The following CYTH1 variants were observed in gnomAD, a reference collection of about 807,000 sequenced individuals.
CYTH1 encodes the protein cytohesin-1.
In CYTH1, 18 loss-of-function variants were observed where a neutral mutation model predicts 61.8. The ratio of observed to expected loss-of-function variants is 0.29; its 90% CI spans 0.20 to 0.43. The LOEUF (loss-of-function observed/expected upper bound fraction) is 0.43, where lower values mean the gene tolerates loss of function less well. CYTH1 is among the 20% of genes least tolerant of loss of function. The probability of loss-of-function intolerance (pLI) is 1.00; values close to 1 mark genes in which losing one functional copy is unlikely to be tolerated. For missense variants in CYTH1, 336 were observed against 510.5 expected (o/e 0.66, Z 3.29); for synonymous variants, 174 against 184.3 (o/e 0.94, Z 0.45).
chr17:78,752,763 T>C (rs1353692246), intron 1 of CYTH1, among the ~76,000 whole-genome samples: 3 of 152,306 alleles, frequency 2.0e-5, no homozygotes, highest in African/African-American at 7.2e-5. Context: ...TTTCAGTTTA[T>C]AATCTTAACC....
At chr17:78,773,542 T>C (rs1389605698) in intron 1 of CYTH1, among the ~76,000 whole-genome samples, 1 of 151,834 alleles carries the variant, frequency 6.6e-6, no homozygotes, top group Non-Finnish European at 1.5e-5. Flanking sequence ...GGCACAAGAA[T>C]TGCTTGAACC....
chr17:78,706,456 G>C (rs1448505050), intron 3 of CYTH1, among the ~76,000 whole-genome samples: 2 of 152,196 alleles, frequency 1.3e-5, no homozygotes, highest in Non-Finnish European at 2.9e-5. Context: ...CATCCGTGCT[G>C]CTGCACGCTA....
intron 1 of CYTH1, among the ~76,000 whole-genome samples, chr17:78,728,954 T>G (rs1478334402): frequency 6.6e-6 from 1 of 152,186 alleles, no homozygotes; most frequent in Non-Finnish European, 1.5e-5. Flanking sequence ...GAGCATGAAT[T>G]AGTATAGTCA....
At chr17:78,775,148 C>T (rs1412802520) in intron 1 of CYTH1, among the ~76,000 whole-genome samples, 2 of 152,198 alleles carry the variant, frequency 1.3e-5, no homozygotes, top group Non-Finnish European at 2.9e-5. Context: ...CTCCTGAGGT[C>T]CCTCTGTGTG....
chr17:78,711,337 A>ACC (rs1555608845), intron 1 of CYTH1, among the ~76,000 whole-genome samples: 13 of 150,752 alleles, frequency 8.6e-5, no homozygotes, highest in Non-Finnish European at 1.3e-4. Flanking sequence ...ACACACACAC[A>ACC]CCAGACTTTC....
At chr17:78,743,726 C>T (rs1271120379) in intron 1 of CYTH1, among the ~76,000 whole-genome samples, 1 of 152,190 alleles carries the variant, frequency 6.6e-6, no homozygotes, top group African/African-American at 2.4e-5. Flanking sequence ...CTACATGTCC[C>T]ATGACCTGTT....
At chr17:78,685,115 C>T (rs1378840085) in intron 11 of CYTH1, among the ~76,000 whole-genome samples, 1 of 143,950 alleles carries the variant, frequency 6.9e-6, no homozygotes, top group Non-Finnish European at 1.5e-5. Context: ...AGGAGAATTT[C>T]TTGAATCCGG....
At chr17:78,699,484 G>C (rs546395866) in intron 7 of CYTH1, among the ~76,000 whole-genome samples, 1 of 152,204 alleles carries the variant, frequency 6.6e-6, no homozygotes, top group African/African-American at 2.4e-5. Context: ...AAGTATTCAA[G>C]ACTTAAAGCT....
rs56247142 is a variant in CYTH1, at chr17:78,716,486, A to T, written c.23-6754T>A. Among the ~76,000 whole-genome samples the T allele has an allele frequency of 4.2e-3, 636 of 152,274 alleles. 5 individuals are homozygous for T. The highest frequency in any genetic ancestry group is 0.014 in the African/African-American group (597 of 41,548). ...CATTTATCTACATTTATTTTGATCC[A>T]ATCTCCTGACATTTGCCACATGACT... On this transcript the variant is annotated intron_variant, in intron 1 of 13. Transcript: ENST00000446868.
chr17:78,776,207 G>C (rs996143531), intron 1 of CYTH1, among the ~76,000 whole-genome samples: 1 of 152,010 alleles, frequency 6.6e-6, no homozygotes, highest in African/African-American at 2.4e-5. Flanking sequence ...ATTGAATCAC[G>C]GCAACTGCAG....
chr17:78,684,040 A>G (rs2092790758), intron 11 of CYTH1, among the ~76,000 whole-genome samples: 1 of 152,182 alleles, frequency 6.6e-6, no homozygotes, highest in African/African-American at 2.4e-5. Flanking sequence ...TTGATGGAAT[A>G]TGATTTTAAA....
rs1287301352 is a variant in CYTH1, at chr17:78,760,459, ACATATATATATG to A, written c.22+21731_22+21742del. On this transcript the variant is annotated intron_variant, in intron 1 of 13. Coordinates refer to ENST00000446868, the MANE Select transcript of CYTH1 (RefSeq NM_004762.6). ...TATATATATGTATATATATATACAT[ACATATATATATG>A]TATATATATGTATGTATATATATAT... Among the ~76,000 whole-genome samples the A allele has an allele frequency of 1.1e-4, 6 of 52,624 alleles. No homozygotes were observed. The South Asian group carries it at 2.8e-3, about 25-fold the overall frequency. The allele number at this position is 52,624 out of a possible 152,430, so 34.5% of individuals were successfully genotyped here. A position where few individuals can be genotyped will look rare whatever the true frequency, so the allele number is the denominator to read the frequency against.
chr17:78,777,609 T>C lies in CYTH1; in HGVS notation c.22+4593A>G, dbSNP rs139441856. Among the ~76,000 whole-genome samples the C allele has an allele frequency of 2.0e-4, 31 of 152,256 alleles. No individual in the cohort carries two copies. In the East Asian group the frequency reaches 5.0e-3, roughly 25 times the overall value. On this transcript the variant is annotated intron_variant, in intron 1 of 13. Coordinates refer to ENST00000446868, the MANE Select transcript of CYTH1 (RefSeq NM_004762.6). ...CAGAGAAACTCTAAGACTCTCTTTC[T>C]ATAGCATATTATCAATGAGCTATGT...
At position 78,675,645 on chromosome 17, in the gene CYTH1, T is replaced by C. The variant is rs566477418; in HGVS notation, c.*446A>G. 1 of 322,536 alleles carries C rather than the reference T, an allele frequency of 3.1e-6. No homozygotes were observed. Among genetic ancestry groups the C allele is most frequent in the Non-Finnish European group, 5.6e-6 (1 of 179,988 alleles). The allele number at this position is 322,536 out of a possible 1,614,324, so 20.0% of individuals were successfully genotyped here. Reference sequence around the variant, plus strand: ...ACGTTCTCTCTTAAAAAAAAAAAAATAGATCTTTATAGTATGTGGCTTCTC... The same window carrying C: ...ACGTTCTCTCTTAAAAAAAAAAAAACAGATCTTTATAGTATGTGGCTTCTC... On this transcript the variant is annotated 3_prime_UTR_variant, in exon 14 of 14. Coordinates refer to ENST00000446868, the MANE Select transcript of CYTH1 (RefSeq NM_004762.6).
chr17:78,760,355 T>TTATATATA (rs370393556), intron 1 of CYTH1, among the ~76,000 whole-genome samples: 529 of 52,082 alleles, frequency 0.01, 15 homozygotes, highest in East Asian at 0.013. Context: ...AATAGCAGGT[T>TTATATATA]TATATATATA....
At position 78,713,740 on chromosome 17, in the gene CYTH1, A is replaced by G. The variant is rs373235307; in HGVS notation, c.23-4008T>C. The stretch of plus-strand genomic sequence containing the variant: ...ACTAAATCCAAGGTCCATATAATGA[A>G]GCTGATGAAAAACAGAGCAATCGTA... On this transcript the variant is annotated intron_variant, in intron 1 of 13. Coordinates refer to ENST00000446868, the MANE Select transcript of CYTH1 (RefSeq NM_004762.6). Among the ~76,000 whole-genome samples, 4 of 150,084 alleles carry G rather than the reference A, an allele frequency of 2.7e-5. No individual in the cohort carries two copies. In the East Asian group the frequency reaches 7.7e-4, roughly 29 times the overall value.
intron 1 of CYTH1, among the ~76,000 whole-genome samples, chr17:78,721,305 G>C (rs996991486): frequency 3.3e-5 from 5 of 152,128 alleles, no homozygotes; most frequent in Admixed American, 6.5e-5. Flanking sequence ...ACTCCAGCTC[G>C]GGCGACAGAG....
At chr17:78,681,334 G>A (rs975733179) in intron 11 of CYTH1, among the ~76,000 whole-genome samples, 5 of 152,050 alleles carry the variant, frequency 3.3e-5, no homozygotes, top group African/African-American at 9.7e-5. Flanking sequence ...GGGAGTGTGC[G>A]GGCCCCTTTC....
chr17:78,680,567 C>A (rs2092749832), intron 12 of CYTH1, among the ~76,000 whole-genome samples: 1 of 152,120 alleles, frequency 6.6e-6, no homozygotes, highest in South Asian at 2.1e-4. Context: ...ATAAGCTGGC[C>A]CCACTTGCAA....
Sources: gnomAD v4.1 joint callset for allele counts (sites outside exome capture counted in the v4.1 genomes callset) on GRCh38, gnomAD v4.1.1 for gene constraint, MANE v1.5 for transcripts, NCBI Gene and HGNC (gene_info 2026-07-23, HGNC 2026-07-21) for gene names.